The following MYO1E variants were observed in gnomAD, a reference collection of about 807,000 sequenced individuals.
MYO1E encodes the protein unconventional myosin-Ie.
Under a neutral mutation model 151.1 loss-of-function variants are expected in MYO1E, and 68 were observed. The observed-to-expected ratio is 0.45, with a 90% CI of 0.37 to 0.55. MYO1E has a LOEUF of 0.55. MYO1E is among the 20% of genes least tolerant of loss of function. The probability of loss-of-function intolerance (pLI) is 0.00; values close to 1 mark genes in which losing one functional copy is unlikely to be tolerated. For missense variants in MYO1E, 1,363 were observed against 1,389.3 expected (o/e 0.98, Z 0.30); for synonymous variants, 601 against 501.7 (o/e 1.20, Z -2.64).
At chr15:59,356,910 G>GT (rs59157262) in intron 1 of MYO1E, among the ~76,000 whole-genome samples, 14 of 140,528 alleles carry the variant, frequency 1.0e-4, no homozygotes, top group African/African-American at 3.8e-4. Flanking sequence ...TTTGTTTTTG[G>GT]TTTTTTTTTT....
chr15:59,207,006 A>G (rs1254599444), intron 14 of MYO1E: 2 of 1,613,768 alleles, frequency 1.2e-6, no homozygotes, highest in African/African-American at 1.3e-5. Flanking sequence ...CGAATTTCCT[A>G]TGCCTGGGGA....
At chr15:59,335,599 T>C (rs1280961890) in intron 1 of MYO1E, among the ~76,000 whole-genome samples, 1 of 152,200 alleles carries the variant, frequency 6.6e-6, no homozygotes, top group African/African-American at 2.4e-5. Flanking sequence ...CCGGCCAGGC[T>C]TGCTCTCAGA....
chr15:59,210,660 C>T lies in MYO1E; in HGVS notation c.1276-60G>A. The T allele has an allele frequency of 5.6e-6, 7 of 1,239,150 alleles. No homozygotes were observed. The South Asian group carries it at 8.4e-5, about 15-fold the overall frequency. 76.8% of individuals were successfully genotyped at this position (1,239,150 alleles called of 1,614,324 possible). A position where few individuals can be genotyped will look rare whatever the true frequency, so the allele number is the denominator to read the frequency against. On this transcript the variant is annotated intron_variant, in intron 12 of 27. Coordinates refer to ENST00000288235, the MANE Select transcript of MYO1E (RefSeq NM_004998.4). ...CCAGATAGCAAGAGCTCTGCACGGA[C>T]AGACCCTGAATGGACAAAAATTCCC...
At chr15:59,319,306 A>T (rs1225640513) in intron 1 of MYO1E, among the ~76,000 whole-genome samples, 2 of 152,116 alleles carry the variant, frequency 1.3e-5, no homozygotes, top group African/African-American at 4.8e-5. Context: ...GCAAGTCTCC[A>T]TCTGAAAAAA....
intron 2 of MYO1E, among the ~76,000 whole-genome samples, chr15:59,265,182 A>G (rs576038006): frequency 1.3e-5 from 2 of 152,318 alleles, no homozygotes; most frequent in South Asian, 4.2e-4. Context: ...ACAGGCAAAT[A>G]AGCTCCTTCC....
At chr15:59,209,327 A>T (rs1432025392) in intron 13 of MYO1E, among the ~76,000 whole-genome samples, 1 of 152,032 alleles carries the variant, frequency 6.6e-6, no homozygotes, top group Non-Finnish European at 1.5e-5. Context: ...CATTCTTCAC[A>T]CTTACTATTT....
chr15:59,267,019 CTTTTTTTTTTTTTTT>C (rs34469748), intron 2 of MYO1E: 2 of 47,310 alleles, frequency 4.2e-5, no homozygotes, highest in African/African-American at 1.7e-4. Flanking sequence ...CTTTTAAAAT[CTTTTTTTTTTTTTTT>C]TTTTTTTTTT....
intron 4 of MYO1E, among the ~76,000 whole-genome samples, chr15:59,249,682 A>G (rs893019549): frequency 6.6e-6 from 1 of 152,230 alleles, no homozygotes; most frequent in Non-Finnish European, 1.5e-5. Flanking sequence ...TTTCCTAATT[A>G]AATGACACTA....
At chr15:59,163,961 A>G (rs1310607379) in intron 22 of MYO1E, among the ~76,000 whole-genome samples, 1 of 152,242 alleles carries the variant, frequency 6.6e-6, no homozygotes, top group African/African-American at 2.4e-5. Flanking sequence ...GAATTTTGTC[A>G]GACAAGGAAA....
chr15:59,161,614 T>C (rs895970734), intron 23 of MYO1E, among the ~76,000 whole-genome samples: 4 of 152,140 alleles, frequency 2.6e-5, no homozygotes, highest in African/African-American at 9.7e-5. Flanking sequence ...CCTGATTCTG[T>C]GCTTGTGGAG....
intron 26 of MYO1E, among the ~76,000 whole-genome samples, chr15:59,151,522 G>T (rs927026573): frequency 6.6e-6 from 1 of 152,222 alleles, no homozygotes; most frequent in Non-Finnish European, 1.5e-5. Flanking sequence ...AGGGCAAAAG[G>T]AATGCTGCTA....
rs777653954 is a variant in MYO1E, at chr15:59,172,039, C to T, written c.2338G>A (p.Val780Ile). 3.7e-6 allele frequency: 6 copies of T among 1,613,956 alleles called. No individual in the cohort carries two copies. The highest frequency in any genetic ancestry group is 5.1e-6 in the Non-Finnish European group (6 of 1,180,020). Residue 780 changes from valine (V) to isoleucine (I), a missense_variant, in exon 22 of 28, where the codon GTA becomes ATA. Coordinates refer to ENST00000288235, the MANE Select transcript of MYO1E (RefSeq NM_004998.4). ...VTKYDRRFKGVKRDLLLTPKC... is the reference protein window; with the variant it reads ...VTKYDRRFKGIKRDLLLTPKC... ...GGGGTAAGGAGCAGGTCTCGCTTTA[C>T]ACCCTGTAAGGAGAGGAGCTTTAAG...
intron 3 of MYO1E, among the ~76,000 whole-genome samples, chr15:59,257,266 T>C (rs2080199034): frequency 6.6e-6 from 1 of 151,878 alleles, no homozygotes; most frequent in Non-Finnish European, 1.5e-5. Flanking sequence ...GGCAGAAGAG[T>C]TGTTTAACCC....
At chr15:59,265,341 A>G (rs548837665) in intron 2 of MYO1E, among the ~76,000 whole-genome samples, 1 of 152,308 alleles carries the variant, frequency 6.6e-6, no homozygotes, top group South Asian at 2.1e-4. Flanking sequence ...TCCCTTGGTT[A>G]CTCAATAAAT....
At chr15:59,203,445 T>C (rs2079814453) in intron 15 of MYO1E, among the ~76,000 whole-genome samples, 1 of 151,164 alleles carries the variant, frequency 6.6e-6, no homozygotes, top group Non-Finnish European at 1.5e-5. Flanking sequence ...AGTGGCGCGA[T>C]CTTGGCTCGC....
At chr15:59,321,297 G>C (rs777665326) in intron 1 of MYO1E, among the ~76,000 whole-genome samples, 1 of 152,184 alleles carries the variant, frequency 6.6e-6, no homozygotes, top group Non-Finnish European at 1.5e-5. Context: ...ACCTAAAACA[G>C]AACTATCATT....
At chr15:59,238,992 G>A (rs2080082885) in intron 4 of MYO1E, among the ~76,000 whole-genome samples, 1 of 151,406 alleles carries the variant, frequency 6.6e-6, no homozygotes, top group African/African-American at 2.4e-5. Flanking sequence ...GATCATTTGA[G>A]GTCAGGAGTT....
Position 59,227,522 on chromosome 15 carries a change from A to G in MYO1E, c.579T>C (p.Leu193=), listed in dbSNP as rs759004609. The part of the protein sequence containing the change: ...EPDGGKISNF[L]LEKSRVVMRN... The stretch of plus-strand genomic sequence containing the variant: ...TCATCACCACCCTAGATTTTTCCAG[A>G]AGGAAGTTGGAGATCTTTCCACCAT... Residue 193 remains leucine, a synonymous_variant, in exon 7 of 28, where the codon CTT becomes CTC. Transcript: ENST00000288235. 5 of 1,614,176 alleles carry G rather than the reference A, an allele frequency of 3.1e-6. No individual in the cohort carries two copies. The South Asian group carries it at 5.5e-5, about 18-fold the overall frequency.
At position 59,203,411 on chromosome 15, in the gene MYO1E, C is replaced by G. The variant is rs187316706; in HGVS notation, c.1617-1004G>C. ...TTTTTTTTTTTTTGAGATGGAGTCTCGCTCTGTCACCAGGCTGGAGTGCAG... is the reference window on the plus strand; with the variant it reads ...TTTTTTTTTTTTTGAGATGGAGTCTGGCTCTGTCACCAGGCTGGAGTGCAG... On this transcript the variant is annotated intron_variant, in intron 15 of 27. Transcript: ENST00000288235. Among the ~76,000 whole-genome samples the G allele has an allele frequency of 9.6e-3, 1,425 of 148,748 alleles. 10 individuals carry two copies. The highest frequency in any genetic ancestry group is 0.017 in the Non-Finnish European group (1,174 of 67,420).
Sources: allele counts gnomAD v4.1 joint callset (sites outside exome capture counted in the v4.1 genomes callset), GRCh38; gene constraint gnomAD v4.1.1; transcripts MANE v1.5; gene names NCBI Gene and HGNC (gene_info 2026-07-23, HGNC 2026-07-21).